PTPRG: variants seen among roughly 807,000 people sequenced by gnomAD.
PTPRG encodes the protein receptor-type tyrosine-protein phosphatase gamma.
PTPRG carries 102 observed loss-of-function variants against 165.3 expected under a neutral mutation model. That is an observed-to-expected ratio of 0.62 (90% confidence interval 0.53 to 0.73). The LOEUF (loss-of-function observed/expected upper bound fraction) is 0.73, where lower values mean the gene tolerates loss of function less well. PTPRG is among the 30% of genes least tolerant of loss of function. PTPRG has a pLI of 0.00. For missense variants in PTPRG, 1,866 were observed against 1,861.4 expected (o/e 1.00, Z -0.05); for synonymous variants, 675 against 669.5 (o/e 1.01, Z -0.13).
At chr3:62,056,070 C>T (rs1420550010) in intron 4 of PTPRG, among the ~76,000 whole-genome samples, 1 of 152,232 alleles carries the variant, frequency 6.6e-6, no homozygotes, top group Non-Finnish European at 1.5e-5. Context: ...GCTCTAACAA[C>T]TGTGCCATTA....
chr3:62,207,029 A>C (rs1490316668), intron 12 of PTPRG, among the ~76,000 whole-genome samples: 2 of 151,830 alleles, frequency 1.3e-5, no homozygotes, highest in Non-Finnish European at 2.9e-5. Context: ...TCTGAAAGCT[A>C]AAAAAAACTT....
intron 4 of PTPRG, among the ~76,000 whole-genome samples, chr3:62,044,310 G>A (rs1359276652): frequency 7.9e-5 from 12 of 152,130 alleles, no homozygotes; most frequent in East Asian, 3.9e-4. Flanking sequence ...AGGCTGAGGC[G>A]GGCGGATCAT....
At chr3:62,136,877 A>G (rs915873079) in intron 6 of PTPRG, among the ~76,000 whole-genome samples, 2 of 152,294 alleles carry the variant, frequency 1.3e-5, no homozygotes, top group South Asian at 4.1e-4. Flanking sequence ...GCATGTCTTT[A>G]TGTGCAGCGT....
chr3:62,290,107 G>C (rs560802249), intron 28 of PTPRG, among the ~76,000 whole-genome samples: 4 of 151,994 alleles, frequency 2.6e-5, no homozygotes, highest in Non-Finnish European at 4.4e-5. Flanking sequence ...CACAAAAGGA[G>C]GCCATTAATA....
At chr3:61,624,603 T>G (rs1248028376) in intron 1 of PTPRG, among the ~76,000 whole-genome samples, 3 of 152,176 alleles carry the variant, frequency 2.0e-5, no homozygotes, top group Non-Finnish European at 4.4e-5. Flanking sequence ...TCTTGTTATA[T>G]GAAAGAAAAT....
At chr3:62,061,758 A>G (rs984200545) in intron 4 of PTPRG, among the ~76,000 whole-genome samples, 3 of 148,740 alleles carry the variant, frequency 2.0e-5, no homozygotes, top group Non-Finnish European at 4.5e-5. Flanking sequence ...CCTCCTGGGT[A>G]GCTGGGATTA....
chr3:62,158,202 TAA>T (rs1356793778), intron 7 of PTPRG, among the ~76,000 whole-genome samples: 1 of 152,184 alleles, frequency 6.6e-6, no homozygotes. Context: ...GAGAGGTCTT[TAA>T]GTCACCTCAT....
In PTPRG at chr3:61,652,465, C is replaced by G. The variant is rs570768739; in HGVS notation, c.85+90093C>G. On this transcript the variant is annotated intron_variant, in intron 1 of 29. Coordinates refer to ENST00000474889, the MANE Select transcript of PTPRG (RefSeq NM_002841.4). ...TTCCTCTACGGTGCAATCTATTTTCCCTGATGGCCAGGACACTTGTTGAGC... is the reference window on the plus strand; with the variant it reads ...TTCCTCTACGGTGCAATCTATTTTCGCTGATGGCCAGGACACTTGTTGAGC... Among the ~76,000 whole-genome samples, 7 of 150,290 alleles carry G rather than the reference C, an allele frequency of 4.7e-5. No homozygotes were observed. In the East Asian group the frequency reaches 1.4e-3, roughly 29 times the overall value.
rs1700604537 is a variant in PTPRG, at chr3:62,219,711, A to C, written c.2288+728A>C. Among the ~76,000 whole-genome samples, 1 of 152,228 alleles carries C rather than the reference A, an allele frequency of 6.6e-6. No homozygotes were observed. The stretch of plus-strand genomic sequence containing the variant: ...CTGACAGGCTTCACCAGTGAGAAAC[A>C]GGTGTCATATTTTCATCTCTCCCTC... On this transcript the variant is annotated intron_variant, in intron 13 of 29. Transcript: ENST00000474889. This position sits in a 1 kb window ranked among gnomAD's most constrained non-coding sequence, Gnocchi z 4.5.
intron 1 of PTPRG, among the ~76,000 whole-genome samples, chr3:61,640,836 T>C (rs1702040271): frequency 6.6e-6 from 1 of 152,218 alleles, no homozygotes; most frequent in African/African-American, 2.4e-5. Flanking sequence ...ATATAATGGA[T>C]CTGGAGTACA....
chr3:61,729,152 G>T (rs1340770472), intron 1 of PTPRG, among the ~76,000 whole-genome samples: 1 of 152,130 alleles, frequency 6.6e-6, no homozygotes, highest in African/African-American at 2.4e-5. Flanking sequence ...CAGGAGCAAG[G>T]GTAATCTGAT....
intron 4 of PTPRG, among the ~76,000 whole-genome samples, chr3:62,017,671 G>A (rs907371747): frequency 1.8e-4 from 28 of 151,362 alleles, no homozygotes; most frequent in East Asian, 1.2e-3. Flanking sequence ...TGATCCGCCC[G>A]CCTCGGCCTC....
intron 1 of PTPRG, among the ~76,000 whole-genome samples, chr3:61,671,467 G>C (rs1176209457): frequency 6.6e-6 from 1 of 151,324 alleles, no homozygotes; most frequent in Non-Finnish European, 1.5e-5. Context: ...TAAGGTCACA[G>C]ATCAACAGGA....
intron 1 of PTPRG, among the ~76,000 whole-genome samples, chr3:61,631,024 C>G (rs768121904): frequency 2.0e-5 from 3 of 151,524 alleles, no homozygotes; most frequent in Non-Finnish European, 4.4e-5. Context: ...CGACTGCACT[C>G]CAGCCTGGGT....
rs951464676 is a variant in PTPRG, at chr3:61,640,412, C to T, written c.85+78040C>T. On this transcript the variant is annotated intron_variant, in intron 1 of 29. Transcript: ENST00000474889. Reference sequence around the variant, plus strand: ...CCAGTGTATATGTGTTGATCCTCCTCCTCCTCCTCCTCTTCTTTCTCCTGA... The same window carrying T: ...CCAGTGTATATGTGTTGATCCTCCTTCTCCTCCTCCTCTTCTTTCTCCTGA... Among the ~76,000 whole-genome samples, 16 of 152,264 alleles carry T rather than the reference C, an allele frequency of 1.1e-4. No homozygotes were observed. In the East Asian group the frequency reaches 3.1e-3, roughly 29 times the overall value.
chr3:62,073,666 A>G (rs1395047910), intron 4 of PTPRG, among the ~76,000 whole-genome samples: 4 of 152,102 alleles, frequency 2.6e-5, no homozygotes, highest in Admixed American at 1.3e-4. Context: ...ATTTTTGTAG[A>G]GACAGGGTTT....
intron 2 of PTPRG, among the ~76,000 whole-genome samples, chr3:61,890,697 T>C (rs1215949771): frequency 6.6e-6 from 1 of 152,174 alleles, no homozygotes; most frequent in Non-Finnish European, 1.5e-5. Flanking sequence ...AAATTGACTT[T>C]TAAAAAAAGT....
chr3:61,777,208 C>G (rs530294160), intron 2 of PTPRG, among the ~76,000 whole-genome samples: 1 of 152,328 alleles, frequency 6.6e-6, no homozygotes, highest in Admixed American at 6.5e-5. Context: ...GAAGTTTCTA[C>G]AATGATGGCA....
chr3:61,775,818 A>G lies in PTPRG; in HGVS notation c.190+26836A>G, dbSNP rs187959389. Among the ~76,000 whole-genome samples, 550 of 151,930 alleles carry G rather than the reference A, an allele frequency of 3.6e-3. 2 individuals carry two copies. Among genetic ancestry groups the G allele is most frequent in the African/African-American group, 0.012 (505 of 41,430 alleles). The stretch of plus-strand genomic sequence containing the variant: ...CGGAAACCATCATTCTCAGCAAACT[A>G]TCGCAAGGACAAAAAACCAAACACT... On this transcript the variant is annotated intron_variant, in intron 2 of 29. Coordinates refer to ENST00000474889, the MANE Select transcript of PTPRG (RefSeq NM_002841.4).
Sources: allele counts gnomAD v4.1 joint callset (sites outside exome capture counted in the v4.1 genomes callset), GRCh38; gene constraint gnomAD v4.1.1; non-coding constraint Gnocchi (gnomAD v3.1); transcripts MANE v1.5; gene names NCBI Gene and HGNC (gene_info 2026-07-23, HGNC 2026-07-21).